ZBTB7C: variants seen among roughly 807,000 people sequenced by gnomAD.
ZBTB7C encodes the protein zinc finger and BTB domain containing 7C, also known as zinc finger and BTB domain-containing protein 7C.
In ZBTB7C, 8 loss-of-function variants were observed where a neutral mutation model predicts 25.7. That is an observed-to-expected ratio of 0.31 (90% CI 0.18 to 0.56). The LOEUF (loss-of-function observed/expected upper bound fraction) is 0.56, where lower values mean the gene tolerates loss of function less well. Ranked by LOEUF, ZBTB7C falls within the 20% of genes least tolerant of loss-of-function variation. ZBTB7C has a pLI of 0.91. For synonymous variants in ZBTB7C, 394 were observed against 369.0 expected (o/e 1.07, Z -0.78); for missense variants, 824 against 855.2 (o/e 0.96, Z 0.46).
chr18:48,381,853 T>C (rs1222719216), intron 1 of ZBTB7C, among the ~76,000 whole-genome samples: 1 of 152,198 alleles, frequency 6.6e-6, no homozygotes, highest in Admixed American at 6.5e-5. Flanking sequence ...AAAGAGTAAC[T>C]TAACCTGATC....
Position 48,372,603 on chromosome 18 carries a change from T to C in ZBTB7C, c.-303-34205A>G, listed in dbSNP as rs1246319272. ...TTGCTTACTGGACAGTTAGCAATGATTGACTAACAAAACTTCAGAGTGGCA... is the reference window on the plus strand; with the variant it reads ...TTGCTTACTGGACAGTTAGCAATGACTGACTAACAAAACTTCAGAGTGGCA... On this transcript the variant is annotated intron_variant, in intron 1 of 4. Transcript: ENST00000590800. Among the ~76,000 whole-genome samples the C allele has an allele frequency of 2.2e-4, 33 of 152,150 alleles. 2 individuals carry two copies. Among genetic ancestry groups the C allele is most frequent in the Admixed American group, 2.2e-3 (33 of 15,282 alleles).
intron 2 of ZBTB7C, among the ~76,000 whole-genome samples, chr18:48,251,108 C>T (rs749717875): frequency 7.9e-5 from 12 of 151,654 alleles, no homozygotes; most frequent in Non-Finnish European, 1.3e-4. Context: ...TGTGTAGTCC[C>T]GGCTACTCAG....
intron 2 of ZBTB7C, among the ~76,000 whole-genome samples, chr18:48,201,957 C>T (rs965805738): frequency 2.0e-5 from 3 of 152,230 alleles, no homozygotes; most frequent in African/African-American, 7.2e-5. Flanking sequence ...TCCCTTCCAC[C>T]CACCAGCCTG....
At chr18:48,097,472 C>G (rs1035350811) in intron 3 of ZBTB7C, among the ~76,000 whole-genome samples, 2 of 152,134 alleles carry the variant, frequency 1.3e-5, no homozygotes, top group East Asian at 3.9e-4. Flanking sequence ...TCTCGGTTCA[C>G]TGCAACCTCT....
intron 2 of ZBTB7C, among the ~76,000 whole-genome samples, chr18:48,317,396 C>T (rs992632601): frequency 2.6e-5 from 4 of 152,162 alleles, no homozygotes; most frequent in Non-Finnish European, 5.9e-5. Context: ...TGTGCCTCAG[C>T]TCAGCCCTGA....
intron 2 of ZBTB7C, among the ~76,000 whole-genome samples, chr18:48,213,447 T>G (rs4940333): frequency 0.12 from 18,707 of 152,236 alleles, 1,552 homozygotes; most frequent in Non-Finnish European, 0.19. Context: ...ACCCACTCTT[T>G]CCCTGAACCT....
chr18:48,352,919 C>T (rs909276380), intron 1 of ZBTB7C, among the ~76,000 whole-genome samples: 1 of 152,104 alleles, frequency 6.6e-6, no homozygotes, highest in Non-Finnish European at 1.5e-5. Context: ...CCAGTGGTAG[C>T]CCTGGGCAGG....
chr18:48,236,043 T>G (rs2043370114), intron 2 of ZBTB7C, among the ~76,000 whole-genome samples: 1 of 152,248 alleles, frequency 6.6e-6, no homozygotes, highest in Admixed American at 6.5e-5. Context: ...TCTTTTACCT[T>G]TAAGAATTAG....
chr18:48,205,000 G>A lies in ZBTB7C; in HGVS notation c.-78-19005C>T, dbSNP rs891286377. Among the ~76,000 whole-genome samples the A allele has an allele frequency of 2.6e-5, 4 of 152,258 alleles. No homozygotes were observed. The East Asian group carries it at 7.7e-4, about 29-fold the overall frequency. ...TAAAAAAGCAGCCCAGCTTGGGGGT[G>A]GAGTGGGGAGCAATCTTGAGGGGGG... On this transcript the variant is annotated intron_variant, in intron 2 of 4. Transcript: ENST00000590800.
At chr18:48,112,013 A>T (rs563222042) in intron 3 of ZBTB7C, among the ~76,000 whole-genome samples, 2 of 152,328 alleles carry the variant, frequency 1.3e-5, no homozygotes, top group Non-Finnish European at 2.9e-5. Context: ...AATGTCCAAC[A>T]AAAAAGGATA....
chr18:48,221,210 A>T (rs1225824744), intron 2 of ZBTB7C, among the ~76,000 whole-genome samples: 1 of 141,938 alleles, frequency 7.0e-6, no homozygotes, highest in Non-Finnish European at 1.5e-5. Context: ...GTCTCCCTCT[A>T]TACTATCCTT....
At chr18:48,321,007 A>T (rs1025258599) in intron 2 of ZBTB7C, among the ~76,000 whole-genome samples, 2 of 152,246 alleles carry the variant, frequency 1.3e-5, no homozygotes, top group Non-Finnish European at 2.9e-5. Context: ...AGGAAGGTTT[A>T]GGTTTTATGT....
At chr18:48,307,000 T>G (rs1352977532) in intron 2 of ZBTB7C, among the ~76,000 whole-genome samples, 2 of 152,048 alleles carry the variant, frequency 1.3e-5, no homozygotes, top group African/African-American at 2.4e-5. Context: ...CCTTACCACC[T>G]TCCCTCCACT....
chr18:48,204,331 TC>T (rs2042529192), intron 2 of ZBTB7C, among the ~76,000 whole-genome samples: 2 of 152,132 alleles, frequency 1.3e-5, no homozygotes, highest in Non-Finnish European at 2.9e-5. Flanking sequence ...TCCACACGGA[TC>T]TTTTTACCTA....
At chr18:48,349,045 T>C (rs2046804562) in intron 1 of ZBTB7C, among the ~76,000 whole-genome samples, 1 of 151,692 alleles carries the variant, frequency 6.6e-6, no homozygotes, top group South Asian at 2.1e-4. Context: ...GGCAAGGAGG[T>C]GGCAGAAGAG....
chr18:48,277,651 G>C (rs887421148), intron 2 of ZBTB7C, among the ~76,000 whole-genome samples: 26 of 152,226 alleles, frequency 1.7e-4, no homozygotes, highest in Non-Finnish European at 7.3e-5. Context: ...CGGCTGGTGA[G>C]GACACACCAA....
chr18:48,395,544 T>C (rs1270739228), intron 1 of ZBTB7C, among the ~76,000 whole-genome samples: 1 of 151,814 alleles, frequency 6.6e-6, no homozygotes, highest in Non-Finnish European at 1.5e-5. Context: ...GTACTTGTGT[T>C]CTATGCGAAT....
intron 3 of ZBTB7C, among the ~76,000 whole-genome samples, chr18:48,102,062 A>C (rs1019326536): frequency 3.9e-5 from 6 of 152,242 alleles, no homozygotes; most frequent in Non-Finnish European, 7.3e-5. Flanking sequence ...TGCTAAAAAA[A>C]GCTTCTCACA....
chr18:48,111,970 T>C (rs367646618), intron 3 of ZBTB7C, among the ~76,000 whole-genome samples: 1 of 152,162 alleles, frequency 6.6e-6, no homozygotes, highest in Non-Finnish European at 1.5e-5. Flanking sequence ...ATAATATTAA[T>C]CTCAGTATGA....
Sources: gnomAD v4.1 joint callset for allele counts (sites outside exome capture counted in the v4.1 genomes callset) on GRCh38, gnomAD v4.1.1 for gene constraint, MANE v1.5 for transcripts, NCBI Gene and HGNC (gene_info 2026-07-23, HGNC 2026-07-21) for gene names.